The following ELAVL4 variants were observed in gnomAD, a reference collection of about 807,000 sequenced individuals.
The protein encoded by ELAVL4 is ELAV like RNA binding protein 4, also known as ELAV-like protein 4.
Under a neutral mutation model 35.6 loss-of-function variants are expected in ELAVL4, and 1 was observed. The ratio of observed to expected loss-of-function variants is 0.03; its 90% CI spans 0.01 to 0.13. The LOEUF (loss-of-function observed/expected upper bound fraction) is 0.13. Among genes scored for constraint, ELAVL4 ranks in the 10% least tolerant of loss-of-function variants. The pLI, the probability that ELAVL4 is intolerant of heterozygous loss-of-function variation, is 1.00. For synonymous variants in ELAVL4, 156 were observed against 171.0 expected, an observed-to-expected ratio of 0.91 and a Z score of 0.69; for missense variants, 267 against 464.9, an observed-to-expected ratio of 0.57 and a Z score of 3.91.
chr1:50,202,144 AC>A lies in ELAVL4; in HGVS notation c.*967del, dbSNP rs908554998. On this transcript the variant is annotated 3_prime_UTR_variant, in exon 7 of 7. Coordinates refer to ENST00000371824, the MANE Select transcript of ELAVL4 (RefSeq NM_001144774.3). ...CATAGCATGTAATAATAATTAAAAA[AC>A]AATTATTAATTACTAGGGGAAAGGA... 8 of 152,158 alleles carry A rather than the reference AC, an allele frequency of 5.3e-5. No individual in the cohort carries two copies. The highest frequency in any genetic ancestry group is 1.2e-4 in the Non-Finnish European group (8 of 68,010). The allele number at this position is 152,158 out of a possible 1,614,324, so 9.4% of individuals were successfully genotyped here.
chr1:50,174,683 T>G (rs183583744), intron 2 of ELAVL4: 1 of 152,318 alleles, frequency 6.6e-6, no homozygotes, highest in African/African-American at 2.4e-5. Context: ...TTCCCTCATT[T>G]GACCTTCAGA....
Position 50,109,015 on chromosome 1 carries a change from T to TCGGGGGGGGCCCCCC in ELAVL4, c.-174_-173insGGGGGGGGCCCCCCC. ...GCTCCTTTTCTTTTTTTTCTTTCTCTCCCCCGCCCACCCCCCCAAAAATAA... is the reference window on the plus strand; with the variant it reads ...GCTCCTTTTCTTTTTTTTCTTTCTCTCGGGGGGGGCCCCCCCCCCCGCCCACCCCCCCAAAAATAA... On this transcript the variant is annotated 5_prime_UTR_variant, in exon 1 of 7. Coordinates refer to ENST00000371824, the MANE Select transcript of ELAVL4 (RefSeq NM_001144774.3). The TCGGGGGGGGCCCCCC allele has an allele frequency of 1.0e-6, 1 of 961,076 alleles. No individual in the cohort carries two copies. The highest frequency in any genetic ancestry group is 1.2e-6 in the Non-Finnish European group (1 of 816,956). The allele number at this position is 961,076 out of a possible 1,614,324, so 59.5% of individuals were successfully genotyped here. A position where few individuals can be genotyped will look rare whatever the true frequency, so the allele number is the denominator to read the frequency against.
At chr1:50,162,386 T>G (rs932979347) in intron 2 of ELAVL4, among the ~76,000 whole-genome samples, 1 of 152,170 alleles carries the variant, frequency 6.6e-6, no homozygotes, top group Non-Finnish European at 1.5e-5. Flanking sequence ...TAGGGTCTAT[T>G]GAGAAATACA....
chr1:50,199,734 G>GAAA (rs146166020), intron 6 of ELAVL4, among the ~76,000 whole-genome samples: 1 of 146,946 alleles, frequency 6.8e-6, no homozygotes, highest in Non-Finnish European at 1.5e-5. Flanking sequence ...AAGAAAGAAA[G>GAAA]AAAAAAAAAG....
chr1:50,184,582 C>T (rs563289598), intron 3 of ELAVL4, among the ~76,000 whole-genome samples: 2 of 152,270 alleles, frequency 1.3e-5, no homozygotes, highest in East Asian at 3.9e-4. Flanking sequence ...GGAAAGAAGT[C>T]TCTGCACCCA....
intron 2 of ELAVL4, among the ~76,000 whole-genome samples, chr1:50,150,282 C>T (rs894307672): frequency 1.3e-5 from 2 of 152,176 alleles, no homozygotes; most frequent in Non-Finnish European, 2.9e-5. Flanking sequence ...TCATTTCTTC[C>T]TTTATAATAC....
intron 2 of ELAVL4, among the ~76,000 whole-genome samples, chr1:50,153,901 G>A (rs985537041): frequency 6.6e-6 from 1 of 152,184 alleles, no homozygotes; most frequent in Non-Finnish European, 1.5e-5. Flanking sequence ...CAAGAAGGCA[G>A]CTATCTGCAA....
At chr1:50,196,246 G>A (rs769385949) in intron 5 of ELAVL4, among the ~76,000 whole-genome samples, 1 of 152,194 alleles carries the variant, frequency 6.6e-6, no homozygotes. Context: ...CAGGGGAGGG[G>A]GAAGTGCCTT....
rs1644436714 is a variant in ELAVL4 at position 50,202,715 on chromosome 1, A to G, written c.*1537A>G. On this transcript the variant is annotated 3_prime_UTR_variant, in exon 7 of 7. Transcript: ENST00000371824. ...TATTTTTTCTTTGGGTTAATTTATT[A>G]TAAGTTGTAACACTTGGCTAGTTTT... 6.6e-6 allele frequency: 1 copy of G among 152,102 alleles called. No homozygotes were observed. The highest frequency in any genetic ancestry group is 1.5e-5 in the Non-Finnish European group (1 of 67,998). 9.4% of individuals were successfully genotyped at this position (152,102 alleles called of 1,614,324 possible). A position where few individuals can be genotyped will look rare whatever the true frequency, so the allele number is the denominator to read the frequency against.
At chr1:50,091,227 T>C (rs951632509) in intron 1 of ELAVL4, among the ~76,000 whole-genome samples, 3 of 152,212 alleles carry the variant, frequency 2.0e-5, no homozygotes. Flanking sequence ...GCACGCACGC[T>C]CACACCTGGC....
upstream of ELAVL4, among the ~76,000 whole-genome samples, chr1:50,102,242 C>T (rs527749550): frequency 3.3e-5 from 5 of 151,676 alleles, no homozygotes; most frequent in African/African-American, 1.2e-4. Flanking sequence ...GCCGAGATGG[C>T]GCCACTGCAC....
At position 50,203,396 on chromosome 1, in the gene ELAVL4, T is replaced by C. The variant is rs1039465929; in HGVS notation, c.*2218T>C. 1 of 152,100 alleles carries C rather than the reference T, an allele frequency of 6.6e-6. No individual in the cohort carries two copies. Among genetic ancestry groups the C allele is most frequent in the Non-Finnish European group, 1.5e-5 (1 of 68,012 alleles). 9.4% of individuals were successfully genotyped at this position (152,100 alleles called of 1,614,324 possible). ...TTTTTTCTGTTTTTTTTTCCTCTTTTCGGTTTTGGATATAACACCAGATTT... is the reference window on the plus strand; with the variant it reads ...TTTTTTCTGTTTTTTTTTCCTCTTTCCGGTTTTGGATATAACACCAGATTT... On this transcript the variant is annotated 3_prime_UTR_variant, in exon 7 of 7. Transcript: ENST00000371824.
At chr1:50,088,699 T>C (rs1312496706) in intron 1 of ELAVL4, among the ~76,000 whole-genome samples, 1 of 152,146 alleles carries the variant, frequency 6.6e-6, no homozygotes, top group Non-Finnish European at 1.5e-5. Context: ...GCTACTTCTA[T>C]AGCATTAACC....
chr1:50,071,311 G>A (rs1664504666), intron 1 of ELAVL4, among the ~76,000 whole-genome samples: 1 of 152,148 alleles, frequency 6.6e-6, no homozygotes, highest in Non-Finnish European at 1.5e-5. Flanking sequence ...TGTCTATCTA[G>A]TTTCCTTGTC....
chr1:50,200,831 C>T lies in ELAVL4; in HGVS notation c.774-20C>T, dbSNP rs116030028. On this transcript the variant is annotated intron_variant, in intron 6 of 6. Coordinates refer to ENST00000371824, the MANE Select transcript of ELAVL4 (RefSeq NM_001144774.3). ...CAGACTGATGTCTGGACCAGTCCCC[C>T]CTTCTGCTTGTCCCCCCAGGTTCTC... 5 of 1,607,652 alleles carry T rather than the reference C, an allele frequency of 3.1e-6. No individual in the cohort carries two copies. Among genetic ancestry groups the T allele is most frequent in the Non-Finnish European group, 4.2e-6 (5 of 1,176,900 alleles).
intron 1 of ELAVL4, among the ~76,000 whole-genome samples, chr1:50,073,906 C>T (rs1664643024): frequency 6.6e-6 from 1 of 152,204 alleles, no homozygotes; most frequent in African/African-American, 2.4e-5. Context: ...GAATCCTATA[C>T]CTTTAGTTGC....
chr1:50,137,658 A>G (rs1429521731), intron 1 of ELAVL4, among the ~76,000 whole-genome samples: 2 of 152,214 alleles, frequency 1.3e-5, no homozygotes, highest in Non-Finnish European at 2.9e-5. Context: ...GTCACAAGAC[A>G]TGCTGCTGTC....
At position 50,129,044 on chromosome 1, in the gene ELAVL4, G is replaced by A. The variant is rs561117254; in HGVS notation, c.10-15913G>A. On this transcript the variant is annotated intron_variant, in intron 1 of 6. Transcript: ENST00000371824. ...ATTAAGTGGGGTGGTGAGTGTGAACGTACTTACAAAATCCTCTGAGTCCAG... is the reference window on the plus strand; with the variant it reads ...ATTAAGTGGGGTGGTGAGTGTGAACATACTTACAAAATCCTCTGAGTCCAG... 2.6e-5 allele frequency among the ~76,000 whole-genome samples: 4 copies of A among 152,106 alleles called. No individual in the cohort carries two copies. In the South Asian group the frequency reaches 6.2e-4, roughly 24 times the overall value.
At chr1:50,076,390 GT>G (rs1430604865) in intron 1 of ELAVL4, among the ~76,000 whole-genome samples, 1 of 152,156 alleles carries the variant, frequency 6.6e-6, no homozygotes, top group Non-Finnish European at 1.5e-5. Context: ...TACTGTTATA[GT>G]TGTTCTATTT....
Sources: gnomAD v4.1 joint callset for allele counts (sites outside exome capture counted in the v4.1 genomes callset) on GRCh38, gnomAD v4.1.1 for gene constraint, MANE v1.5 for transcripts, NCBI Gene and HGNC (gene_info 2026-07-23, HGNC 2026-07-21) for gene names.